The following RPRD1B variants were observed in gnomAD, a reference collection of about 807,000 sequenced individuals.
RPRD1B encodes regulation of nuclear pre-mRNA domain containing 1B.
Under a neutral mutation model 41.5 loss-of-function variants are expected in RPRD1B, and 11 were observed. That is an observed-to-expected ratio of 0.27 (90% CI 0.17 to 0.44). RPRD1B has a LOEUF of 0.44. RPRD1B is among the 20% of genes least tolerant of loss of function. The probability of loss-of-function intolerance (pLI) is 1.00; values close to 1 mark genes in which losing one functional copy is unlikely to be tolerated. For missense variants in RPRD1B, 248 were observed against 389.9 expected (o/e 0.64, Z 3.06); for synonymous variants, 158 against 155.6 (o/e 1.02, Z -0.12).
intron 6 of RPRD1B, among the ~76,000 whole-genome samples, chr20:38,084,324 C>T (rs1353971014): frequency 2.0e-5 from 3 of 151,938 alleles, no homozygotes; most frequent in Admixed American, 6.6e-5. Context: ...TGGGGGTAGC[C>T]GAGCAGTGGG....
At chr20:38,041,262 G>A (rs2074063418) in intron 2 of RPRD1B, among the ~76,000 whole-genome samples, 1 of 152,198 alleles carries the variant, frequency 6.6e-6, no homozygotes, top group African/African-American at 2.4e-5. Flanking sequence ...AGAATATTAT[G>A]TTTATAAGTA....
chr20:38,055,867 C>G (rs2074235154), intron 3 of RPRD1B, among the ~76,000 whole-genome samples: 1 of 152,136 alleles, frequency 6.6e-6, no homozygotes, highest in South Asian at 2.1e-4. Flanking sequence ...GGTCCCTGAT[C>G]ATGATTTGGG....
At chr20:38,057,722 G>A (rs574597097) in intron 4 of RPRD1B, 78 bp downstream of exon 4, 85 of 1,007,304 alleles carry the variant, frequency 8.4e-5, no homozygotes, top group South Asian at 1.2e-4. Flanking sequence ...ACAAGGTGGC[G>A]CCAGTGACCA....
chr20:38,082,457 G>C (rs976322020), intron 6 of RPRD1B, among the ~76,000 whole-genome samples: 1 of 152,134 alleles, frequency 6.6e-6, no homozygotes, highest in Non-Finnish European at 1.5e-5. Flanking sequence ...CGCCATCTCG[G>C]CTCAGTGCAA....
chr20:38,074,931 A>T (rs1477100411), intron 6 of RPRD1B, among the ~76,000 whole-genome samples: 1 of 152,174 alleles, frequency 6.6e-6, no homozygotes, highest in Non-Finnish European at 1.5e-5. Flanking sequence ...ATTTTCTGTC[A>T]TGCTTTTTTC....
At chr20:38,047,349 A>C (rs531979344) in intron 2 of RPRD1B, among the ~76,000 whole-genome samples, 1 of 152,294 alleles carries the variant, frequency 6.6e-6, no homozygotes, top group African/African-American at 2.4e-5. Flanking sequence ...GTTCTCCTTG[A>C]GTTTATGAAA....
At chr20:38,075,186 A>G (rs1236955730) in intron 6 of RPRD1B, among the ~76,000 whole-genome samples, 1 of 152,230 alleles carries the variant, frequency 6.6e-6, no homozygotes, top group Non-Finnish European at 1.5e-5. Flanking sequence ...GGTCATATAC[A>G]TTTCACGGTC....
intron 2 of RPRD1B, among the ~76,000 whole-genome samples, chr20:38,047,876 T>C (rs1426587839): frequency 6.6e-6 from 1 of 152,188 alleles, no homozygotes; most frequent in Non-Finnish European, 1.5e-5. Context: ...TATACATGTA[T>C]GTGATTGTGT....
chr20:38,049,367 C>CTTTTTTTTTTTTTTTTTT (rs11481142), intron 3 of RPRD1B, among the ~76,000 whole-genome samples: 12 of 93,408 alleles, frequency 1.3e-4, no homozygotes, highest in Non-Finnish European at 2.1e-4. Flanking sequence ...TTCTTTTTTT[C>CTTTTTTTTTTTTTTTTTT]TTTTTTTTTT....
At chr20:38,036,011 G>C (rs190976918) in intron 1 of RPRD1B, among the ~76,000 whole-genome samples, 2 of 152,002 alleles carry the variant, frequency 1.3e-5, no homozygotes, top group South Asian at 4.2e-4. Context: ...TGATGCCCCC[G>C]CCTCGGCCTC....
At chr20:38,069,526 G>T (rs2074390914) in intron 6 of RPRD1B, among the ~76,000 whole-genome samples, 1 of 152,216 alleles carries the variant, frequency 6.6e-6, no homozygotes, top group Non-Finnish European at 1.5e-5. Context: ...AAAGTCAGAT[G>T]TGGGAAGGAG....
chr20:38,045,597 A>G (rs1346735243), intron 2 of RPRD1B, among the ~76,000 whole-genome samples: 1 of 152,156 alleles, frequency 6.6e-6, no homozygotes, highest in Non-Finnish European at 1.5e-5. Context: ...TTTGAGCATC[A>G]TTTTCCACTG....
Position 38,033,793 on chromosome 20 carries a change from A to G in RPRD1B, c.-155A>G. On this transcript the variant is annotated 5_prime_UTR_variant, in exon 1 of 7. Coordinates refer to ENST00000373433, the MANE Select transcript of RPRD1B (RefSeq NM_021215.4). The stretch of plus-strand genomic sequence containing the variant: ...GCGGCGCGGGCGGCTGTTACTGCGG[A>G]GACCCATCCCCTCCCCCTTCTCGCA... 1.4e-6 allele frequency: 1 copy of G among 692,118 alleles called. No individual in the cohort carries two copies. Among genetic ancestry groups the G allele is most frequent in the South Asian group, 2.0e-5 (1 of 50,226 alleles). The allele number at this position is 692,118 out of a possible 1,614,324, so 42.9% of individuals were successfully genotyped here.
At chr20:38,070,706 C>G in intron 6 of RPRD1B, 2 of 982,998 alleles carry the variant, frequency 2.0e-6, no homozygotes, top group Non-Finnish European at 2.4e-6. Flanking sequence ...GAAAAAAGGT[C>G]AGGAACCTGC....
chr20:38,087,244 G>A (rs6097725), intron 6 of RPRD1B, among the ~76,000 whole-genome samples: 14,043 of 152,286 alleles, frequency 0.092, 859 homozygotes, highest in East Asian at 0.32. Flanking sequence ...ATAGGCATGA[G>A]CCACTGCGCC....
At chr20:38,048,041 GTCT>G (rs11470372) in intron 2 of RPRD1B, among the ~76,000 whole-genome samples, 2,683 of 152,060 alleles carry the variant, frequency 0.018, 69 homozygotes, top group African/African-American at 0.058. Flanking sequence ...TTTAATTAAC[GTCT>G]TCTTAAAAAG....
Position 38,090,540 on chromosome 20 carries a change from A to G in RPRD1B, c.*665A>G. 2.0e-6 allele frequency: 2 copies of G among 985,932 alleles called. No homozygotes were observed. Among genetic ancestry groups the G allele is most frequent in the African/African-American group, 1.7e-5 (1 of 57,382 alleles). 61.1% of individuals were successfully genotyped at this position (985,932 alleles called of 1,614,324 possible). A position where few individuals can be genotyped will look rare whatever the true frequency, so the allele number is the denominator to read the frequency against. On this transcript the variant is annotated 3_prime_UTR_variant, in exon 7 of 7. Transcript: ENST00000373433. ...CATAAAGGCACAGTTCAGAGACAGAATAACAGGGATCACAAGCATGAATTA... is the reference window on the plus strand; with the variant it reads ...CATAAAGGCACAGTTCAGAGACAGAGTAACAGGGATCACAAGCATGAATTA...
At chr20:38,080,014 G>A (rs2074499011) in intron 6 of RPRD1B, among the ~76,000 whole-genome samples, 1 of 152,160 alleles carries the variant, frequency 6.6e-6, no homozygotes, top group African/African-American at 2.4e-5. Flanking sequence ...CTGCATGTAT[G>A]TCTTCTTTTG....
chr20:38,082,020 C>G (rs532341662), intron 6 of RPRD1B, among the ~76,000 whole-genome samples: 1 of 152,232 alleles, frequency 6.6e-6, no homozygotes, highest in African/African-American at 2.4e-5. Flanking sequence ...AGTTTTCTTT[C>G]TTCATTGTGT....
Sources: allele counts gnomAD v4.1 joint callset (sites outside exome capture counted in the v4.1 genomes callset), GRCh38; gene constraint gnomAD v4.1.1; transcripts MANE v1.5; gene names NCBI Gene and HGNC (gene_info 2026-07-23, HGNC 2026-07-21).